The following ANKH variants were observed in gnomAD, a reference collection of about 807,000 sequenced individuals.
The protein encoded by ANKH is ANKH inorganic pyrophosphate transport regulator.
Under a neutral mutation model 49.0 loss-of-function variants are expected in ANKH, and 15 were observed. The observed-to-expected ratio is 0.31, with a 90% CI of 0.20 to 0.47. ANKH has a LOEUF of 0.47. Among genes scored for constraint, ANKH ranks in the 20% least tolerant of loss-of-function variants. The probability of loss-of-function intolerance (pLI) is 1.00; values close to 1 mark genes in which losing one functional copy is unlikely to be tolerated. For missense variants in ANKH, 429 were observed against 652.0 expected (o/e 0.66, Z 3.72); for synonymous variants, 273 against 260.0 (o/e 1.05, Z -0.48).
intron 1 of ANKH, among the ~76,000 whole-genome samples, chr5:14,786,855 T>C (rs956211423): frequency 8.5e-5 from 13 of 152,168 alleles, no homozygotes; most frequent in African/African-American, 2.9e-4. Context: ...CATAATGACA[T>C]GTACAAATAG....
chr5:14,740,082 C>T (rs1738307140), intron 8 of ANKH, among the ~76,000 whole-genome samples: 1 of 152,094 alleles, frequency 6.6e-6, no homozygotes, highest in African/African-American at 2.4e-5. Context: ...TAAAGCTCTC[C>T]ATCAGATTCA....
chr5:14,756,747 T>G (rs1334880523), intron 3 of ANKH, among the ~76,000 whole-genome samples: 3 of 152,102 alleles, frequency 2.0e-5, no homozygotes, highest in African/African-American at 4.8e-5. Context: ...GCTTTAAATA[T>G]TCTCTCTCCA....
At chr5:14,824,239 G>GA (rs143096013) in intron 1 of ANKH, among the ~76,000 whole-genome samples, 92 of 151,674 alleles carry the variant, frequency 6.1e-4, no homozygotes, top group African/African-American at 2.2e-3. Flanking sequence ...GATTTTTTTG[G>GA]AAAAAAAATT....
Position 14,725,549 on chromosome 5 carries a change from C to T in ANKH, c.1012-8714G>A, listed in dbSNP as rs543336349. Reference sequence around the variant, plus strand: ...TGCGAGCACTGCAGTTTGCATAAACCGCTTTTCCAGCACCGGCACACCAAA... The same window carrying T: ...TGCGAGCACTGCAGTTTGCATAAACTGCTTTTCCAGCACCGGCACACCAAA... On this transcript the variant is annotated intron_variant, in intron 8 of 11. Coordinates refer to ENST00000284268, the MANE Select transcript of ANKH (RefSeq NM_054027.6). This position sits in a 1 kb window ranked among gnomAD's most constrained non-coding sequence, Gnocchi z 4.0. 4.7e-4 allele frequency among the ~76,000 whole-genome samples: 72 copies of T among 152,296 alleles called. No homozygotes were observed. The highest frequency in any genetic ancestry group is 2.7e-3 in the Admixed American group (41 of 15,298).
chr5:14,817,148 T>C (rs1741062219), intron 1 of ANKH, among the ~76,000 whole-genome samples: 1 of 152,160 alleles, frequency 6.6e-6, no homozygotes, highest in African/African-American at 2.4e-5. Context: ...GAGTCTAGGA[T>C]TGGGCACCAC....
chr5:14,746,044 G>T, intron 6 of ANKH, 82 bp from the exon 7 acceptor site: 1 of 1,109,362 alleles, frequency 9.0e-7, no homozygotes, highest in South Asian at 1.3e-5. Flanking sequence ...GAAGCACGCC[G>T]ACTCAGGTGC....
intron 4 of ANKH, among the ~76,000 whole-genome samples, chr5:14,754,450 G>A (rs1471908983): frequency 6.6e-6 from 1 of 151,564 alleles, no homozygotes. Flanking sequence ...AATTTCAAAT[G>A]AAGTGATTAG....
chr5:14,775,695 T>G (rs1055664092), intron 1 of ANKH, among the ~76,000 whole-genome samples: 12 of 152,186 alleles, frequency 7.9e-5, no homozygotes, highest in Middle Eastern at 3.4e-3. Context: ...CTTAGTATAT[T>G]TAAGGAACAG....
At chr5:14,829,163 C>T (rs923358700) in intron 1 of ANKH, among the ~76,000 whole-genome samples, 19 of 133,718 alleles carry the variant, frequency 1.4e-4, no homozygotes, top group African/African-American at 2.4e-4. Flanking sequence ...CCAGCCTGGG[C>T]GACAGAGAGA....
intron 9 of ANKH, among the ~76,000 whole-genome samples, chr5:14,716,487 G>C (rs1289644257): frequency 6.7e-6 from 1 of 149,952 alleles, no homozygotes; most frequent in African/African-American, 2.5e-5. Flanking sequence ...ATGAAACTCT[G>C]TCTCCAATAA....
chr5:14,855,865 G>A (rs955592195), intron 1 of ANKH, among the ~76,000 whole-genome samples: 1 of 147,706 alleles, frequency 6.8e-6, no homozygotes, highest in African/African-American at 2.5e-5. Context: ...AAAAAAAGGC[G>A]GCATGCTGAT....
rs951375729 is a variant in ANKH at position 14,745,065 on chromosome 5, G to A, written c.915+805C>T. On this transcript the variant is annotated intron_variant, in intron 7 of 11. Coordinates refer to ENST00000284268, the MANE Select transcript of ANKH (RefSeq NM_054027.6). The surrounding 1 kb of genome is among the most constrained non-coding windows in gnomAD (Gnocchi z 4.7). ...CAGGCTCTGGCTGGGATAAGACAGTGTGATGCTGGCAGTGGCTGCTAGTTC... is the reference window on the plus strand; with the variant it reads ...CAGGCTCTGGCTGGGATAAGACAGTATGATGCTGGCAGTGGCTGCTAGTTC... 1.3e-5 allele frequency among the ~76,000 whole-genome samples: 2 copies of A among 152,218 alleles called. No individual in the cohort carries two copies. Among genetic ancestry groups the A allele is most frequent in the Non-Finnish European group, 2.9e-5 (2 of 68,036 alleles).
chr5:14,801,950 G>A (rs1233902311), intron 1 of ANKH, among the ~76,000 whole-genome samples: 1 of 152,204 alleles, frequency 6.6e-6, no homozygotes, highest in African/African-American at 2.4e-5. Flanking sequence ...TAACATGTCT[G>A]TAGACTAGGC....
At chr5:14,797,836 G>A in intron 1 of ANKH, 3 of 1,611,602 alleles carry the variant, frequency 1.9e-6, no homozygotes, top group Non-Finnish European at 2.5e-6. Context: ...TGCCCACTGA[G>A]ATTTAGGTTC....
rs2126373602 is a variant in ANKH, at chr5:14,705,977, C to T, written c.*5220G>A. ...CTTGCCCTGGCTTATAGCTAGGGAA[C>T]ATTGCCTCTAAATCTTATAGTGAGA... is the stretch of plus-strand genomic sequence containing the variant. On this transcript the variant is annotated 3_prime_UTR_variant, in exon 12 of 12. Transcript: ENST00000284268. 6.6e-6 allele frequency: 1 copy of T among 152,260 alleles called. No homozygotes were observed. Among genetic ancestry groups the T allele is most frequent in the Non-Finnish European group, 1.5e-5 (1 of 68,024 alleles). The allele number at this position is 152,260 out of a possible 1,614,324, so 9.4% of individuals were successfully genotyped here.
chr5:14,781,817 C>T (rs995233455), intron 1 of ANKH, among the ~76,000 whole-genome samples: 1 of 152,186 alleles, frequency 6.6e-6, no homozygotes, highest in Non-Finnish European at 1.5e-5. Flanking sequence ...AGCTTTACTA[C>T]ATTTCCTAAT....
At chr5:14,711,341 C>G (rs775219725) in intron 11 of ANKH, 31 bp from the exon 12 acceptor site, 8 of 1,588,252 alleles carry the variant, frequency 5.0e-6, no homozygotes, top group Non-Finnish European at 6.1e-6. Context: ...CAGTGTGGGG[C>G]TGTGGATGGG....
chr5:14,861,426 C>T (rs943244070), intron 1 of ANKH, among the ~76,000 whole-genome samples: 1 of 152,170 alleles, frequency 6.6e-6, no homozygotes, highest in Non-Finnish European at 1.5e-5. Flanking sequence ...CCTAAGAAGC[C>T]TCAACCTCAC....
chr5:14,745,133 G>A lies in ANKH; in HGVS notation c.915+737C>T, dbSNP rs1231785138. ...CAACAGGTGCCCTTCACGGTAAGAA[G>A]TAGCAGTCTGTTTGCTTCCTTCCTG... On this transcript the variant is annotated intron_variant, in intron 7 of 11. Transcript: ENST00000284268. The surrounding 1 kb of genome is among the most constrained non-coding windows in gnomAD (Gnocchi z 4.7). Among the ~76,000 whole-genome samples, 1 of 152,230 alleles carries A rather than the reference G, an allele frequency of 6.6e-6. No individual in the cohort carries two copies. Among genetic ancestry groups the A allele is most frequent in the Non-Finnish European group, 1.5e-5 (1 of 68,038 alleles).
Sources: allele counts gnomAD v4.1 joint callset (sites outside exome capture counted in the v4.1 genomes callset), GRCh38; gene constraint gnomAD v4.1.1; non-coding constraint Gnocchi (gnomAD v3.1); transcripts MANE v1.5; gene names NCBI Gene and HGNC (gene_info 2026-07-23, HGNC 2026-07-21).